Variants in TTLL12 observed in about 807,000 individuals in gnomAD.
The protein encoded by TTLL12 is tubulin tyrosine ligase like 12.
TTLL12 carries 77 observed loss-of-function variants against 79.6 expected under a neutral mutation model. The observed-to-expected ratio is 0.97, with a 90% CI of 0.81 to 1.17. The LOEUF is 1.17. Among genes scored for constraint, TTLL12 ranks in the 50% most tolerant of loss-of-function variants. The pLI, the probability that TTLL12 is intolerant of heterozygous loss-of-function variation, is 0.00. For missense variants in TTLL12, 969 were observed against 895.9 expected (o/e 1.08, Z -1.04); for synonymous variants, 437 against 376.1 (o/e 1.16, Z -1.87).
Position 43,179,937 on chromosome 22 carries a change from C to T in TTLL12, c.610G>A (p.Ala204Thr), listed in dbSNP as rs949767800. Residue 204 changes from alanine (A) to threonine (T), a missense_variant, in exon 4 of 14, where the codon GCG becomes ACG. Ala to Thr is a moderately conservative substitution (Grantham distance 58). Transcript: ENST00000216129. ...GCCGTGGCGAAGCTGGGCACGTCCGCGTGCTGGATCCGCGAACCGAACTCG... is the reference window on the plus strand; with the variant it reads ...GCCGTGGCGAAGCTGGGCACGTCCGTGTGCTGGATCCGCGAACCGAACTCG... ...MDEFGSRIQH[A>T]DVPSFATAPF... is the part of the protein sequence containing the mutation. 1.2e-5 allele frequency: 19 copies of T among 1,610,768 alleles called. No homozygotes were observed. Among genetic ancestry groups the T allele is most frequent in the East Asian group, 4.5e-5 (2 of 44,886 alleles).
chr22:43,181,631 A>T (rs1360649528), intron 2 of TTLL12, among the ~76,000 whole-genome samples: 1 of 152,212 alleles, frequency 6.6e-6, no homozygotes, highest in Non-Finnish European at 1.5e-5. Context: ...TAATCCTCCC[A>T]GAGCTCTGCC....
chr22:43,185,726 G>A (rs868830513), intron 1 of TTLL12, among the ~76,000 whole-genome samples: 24 of 152,318 alleles, frequency 1.6e-4, no homozygotes, highest in African/African-American at 5.3e-4. Flanking sequence ...TCAGACGGGC[G>A]AGTGACCGCC....
chr22:43,168,193 T>TCGTTGGCCTCCACTCTGCAGGGA, intron 13 of TTLL12, 34 bp from the exon 14 acceptor site: 2 of 1,605,432 alleles, frequency 1.2e-6, no homozygotes, highest in Non-Finnish European at 1.7e-6. Context: ...GTGTGAAGGC[T>TCGTTGGCCTCCACTCTGCAGGGA]CGTTGGCCTC....
At chr22:43,169,599 G>C in intron 11 of TTLL12, 31 bp from the exon 12 acceptor site, 1 of 1,609,744 alleles carries the variant, frequency 6.2e-7, no homozygotes, top group Non-Finnish European at 8.5e-7. Flanking sequence ...ATCACGCTCT[G>C]TACAGGCCTC....
chr22:43,175,874 G>T (rs1237740212), intron 6 of TTLL12, among the ~76,000 whole-genome samples: 1 of 142,346 alleles, frequency 7.0e-6, no homozygotes, highest in Admixed American at 7.2e-5. Flanking sequence ...TTTTAGTAGA[G>T]ACGGGCTTTC....
At chr22:43,172,854 C>T (rs943817867) in intron 9 of TTLL12, among the ~76,000 whole-genome samples, 1 of 151,812 alleles carries the variant, frequency 6.6e-6, no homozygotes, top group African/African-American at 2.4e-5. Context: ...CCCGCCACCA[C>T]CCCCAGCTAA....
At position 43,169,482 on chromosome 22, in the gene TTLL12, G is replaced by A. The variant is rs1451506057; in HGVS notation, c.1644+18C>T. 7.6e-6 allele frequency: 12 copies of A among 1,575,548 alleles called. No homozygotes were observed. Among genetic ancestry groups the A allele is most frequent in the Non-Finnish European group, 9.5e-6 (11 of 1,159,566 alleles). On this transcript the variant is annotated intron_variant, in intron 12 of 13. Transcript: ENST00000216129. Reference sequence around the variant, plus strand: ...ACCCGCCCCACCGGCCTGCGATGGTGTGCAGGACAGGAATTACCTGGACGT... The same window carrying A: ...ACCCGCCCCACCGGCCTGCGATGGTATGCAGGACAGGAATTACCTGGACGT...
intron 5 of TTLL12, among the ~76,000 whole-genome samples, 193 bp downstream of exon 5, chr22:43,179,426 G>A (rs149961496): frequency 2.0e-5 from 3 of 152,160 alleles, no homozygotes; most frequent in East Asian, 1.9e-4. Flanking sequence ...AGCCCCCACC[G>A]TGCAGCCACA....
Position 43,174,528 on chromosome 22 carries a change from G to A in TTLL12, c.1005C>T (p.Leu335=), listed in dbSNP as rs1931854058. Residue 335 remains leucine (L), a synonymous_variant, in exon 7 of 14, where the codon CTC becomes CTT. Coordinates refer to ENST00000216129, the MANE Select transcript of TTLL12 (RefSeq NM_015140.4). ...AGTCCTTGAAGTGTGAGAAGTTGAA[G>A]AGGATGTCGGCGTCCGCCTCACTCT... ...LTQSEADADI[L]FNFSHFKDYR... is the part of the protein sequence containing the mutation. 2 of 1,613,278 alleles carry A rather than the reference G, an allele frequency of 1.2e-6. No individual in the cohort carries two copies. The highest frequency in any genetic ancestry group is 1.7e-5 in the Admixed American group (1 of 59,896).
chr22:43,170,456 G>A (rs140183676), intron 11 of TTLL12, among the ~76,000 whole-genome samples: 3 of 152,190 alleles, frequency 2.0e-5, no homozygotes, highest in African/African-American at 4.8e-5. Flanking sequence ...GTGCCTCCAC[G>A]CATGTTCACG....
chr22:43,177,630 T>C (rs1405969441), intron 5 of TTLL12, among the ~76,000 whole-genome samples: 1 of 152,180 alleles, frequency 6.6e-6, no homozygotes, highest in Non-Finnish European at 1.5e-5. Flanking sequence ...AGCACTCTTA[T>C]GGAGAGGCCC....
rs1412355973 is a variant in TTLL12, at chr22:43,183,159, A to T, written c.178-10T>A. ...CCCCAGCGTCGAAAACCTGGGGGCC[A>T]GAGTTCCCGTCAGCAGGGGTGTGGG... On this transcript the variant is annotated splice_polypyrimidine_tract_variant and intron_variant, in intron 1 of 13. Coordinates refer to ENST00000216129, the MANE Select transcript of TTLL12 (RefSeq NM_015140.4). 5.6e-6 allele frequency: 9 copies of T among 1,613,586 alleles called. No homozygotes were observed. Among genetic ancestry groups the T allele is most frequent in the Non-Finnish European group, 7.6e-6 (9 of 1,179,768 alleles).
intron 2 of TTLL12, among the ~76,000 whole-genome samples, chr22:43,181,647 A>T (rs1932059299): frequency 6.6e-6 from 1 of 152,246 alleles, no homozygotes; most frequent in Non-Finnish European, 1.5e-5. Context: ...CTGCCGGATC[A>T]GGAGGCACCA....
At chr22:43,173,853 G>A (rs750166310) in intron 8 of TTLL12, 27 bp from the exon 9 acceptor site, 8 of 1,586,482 alleles carry the variant, frequency 5.0e-6, no homozygotes, top group Non-Finnish European at 6.8e-6. Flanking sequence ...CTGTCTGGGG[G>A]GCGCCTGGGG....
chr22:43,183,542 G>T (rs986949006), intron 1 of TTLL12, among the ~76,000 whole-genome samples: 7 of 152,230 alleles, frequency 4.6e-5, no homozygotes, highest in African/African-American at 1.7e-4. Flanking sequence ...GTCAATGGAA[G>T]AGTCAGGATC....
At chr22:43,178,283 G>A (rs138941) in intron 5 of TTLL12, among the ~76,000 whole-genome samples, 18,078 of 138,372 alleles carry the variant, frequency 0.13, 1,208 homozygotes, top group Non-Finnish European at 0.15. Context: ...AATCAGCAGC[G>A]CCCACACAAA....
chr22:43,179,493 T>G (rs2147073953), intron 5 of TTLL12, 126 bp downstream of exon 5: 1 of 1,327,642 alleles, frequency 7.5e-7, no homozygotes, highest in South Asian at 1.7e-5. Context: ...CAAAACTCTA[T>G]GCCTCCCACG....
intron 2 of TTLL12, 21 bp from the exon 3 acceptor site, chr22:43,180,961 G>A: frequency 1.9e-6 from 3 of 1,603,250 alleles, no homozygotes; most frequent in East Asian, 2.2e-5. Context: ...AGGCCACAAT[G>A]TGAGGCTGCC....
intron 2 of TTLL12, among the ~76,000 whole-genome samples, chr22:43,181,522 C>T (rs1043828819): frequency 4.6e-5 from 7 of 152,206 alleles, no homozygotes; most frequent in African/African-American, 1.4e-4. Context: ...GCTTCCAGTC[C>T]CCACACACAG....
Sources: gnomAD v4.1 joint callset for allele counts (sites outside exome capture counted in the v4.1 genomes callset) on GRCh38, gnomAD v4.1.1 for gene constraint, MANE v1.5 for transcripts, NCBI Gene and HGNC (gene_info 2026-07-23, HGNC 2026-07-21) for gene names.